The following ARHGAP28 variants were observed in gnomAD, a reference collection of about 807,000 sequenced individuals.
ARHGAP28 encodes Rho GTPase activating protein 28, also known as rho GTPase-activating protein 28.
In ARHGAP28, 56 loss-of-function variants were observed where a neutral mutation model predicts 90.7. The observed-to-expected ratio is 0.62, with a 90% confidence interval of 0.50 to 0.77. The LOEUF (loss-of-function observed/expected upper bound fraction) is 0.77, where lower values mean the gene tolerates loss of function less well. ARHGAP28 is among the 30% of genes least tolerant of loss of function. ARHGAP28 has a pLI of 0.00. For synonymous variants in ARHGAP28, 308 were observed against 323.3 expected, an observed-to-expected ratio of 0.95 and a Z score of 0.51; for missense variants, 869 against 900.9, an observed-to-expected ratio of 0.96 and a Z score of 0.45.
intron 5 of ARHGAP28, among the ~76,000 whole-genome samples, chr18:6,866,858 A>C (rs548307234): frequency 1.3e-5 from 2 of 152,366 alleles, no homozygotes; most frequent in East Asian, 1.9e-4. Context: ...TAAATAAAAA[A>C]GTCTTATCAA....
At chr18:6,768,290 C>A (rs2056215634) in intron 1 of ARHGAP28, among the ~76,000 whole-genome samples, 1 of 151,888 alleles carries the variant, frequency 6.6e-6, no homozygotes, top group African/African-American at 2.4e-5. Flanking sequence ...TGTTTTTGAG[C>A]CTCATTTTCT....
chr18:6,811,419 G>C (rs1004824320), intron 1 of ARHGAP28, among the ~76,000 whole-genome samples: 1 of 152,108 alleles, frequency 6.6e-6, no homozygotes, highest in South Asian at 2.1e-4. Flanking sequence ...TACCAAAGTG[G>C]GAAATAGACC....
intron 1 of ARHGAP28, among the ~76,000 whole-genome samples, chr18:6,749,452 A>C (rs1048291008): frequency 1.3e-5 from 2 of 152,158 alleles, no homozygotes; most frequent in Non-Finnish European, 2.9e-5. Context: ...TTTGAGCCCC[A>C]AGGACCCATA....
intron 3 of ARHGAP28, among the ~76,000 whole-genome samples, chr18:6,841,180 C>CTCCTCT (rs1491103592): frequency 1.8e-5 from 1 of 57,064 alleles, no homozygotes; most frequent in Non-Finnish European, 3.2e-5. Context: ...CTCTCTCTCT[C>CTCCTCT]CTCTCTCTCT....
intron 1 of ARHGAP28, among the ~76,000 whole-genome samples, chr18:6,794,034 A>G (rs1297197477): frequency 1.3e-5 from 2 of 152,218 alleles, no homozygotes; most frequent in Admixed American, 1.3e-4. Context: ...TTTCCAGTTA[A>G]AAATAAACAA....
chr18:6,819,719 CAGAGAG>C (rs1310225955), intron 1 of ARHGAP28, among the ~76,000 whole-genome samples: 1 of 152,192 alleles, frequency 6.6e-6, no homozygotes, highest in Admixed American at 6.5e-5. Context: ...GGCTGTAAAG[CAGAGAG>C]AGATCTCTGT....
At chr18:6,756,508 A>T (rs1011845719) in intron 1 of ARHGAP28, among the ~76,000 whole-genome samples, 15 of 152,214 alleles carry the variant, frequency 9.9e-5, no homozygotes, top group African/African-American at 3.6e-4. Context: ...GATCATGATG[A>T]TTTAATCAAA....
At chr18:6,840,491 G>A (rs929397873) in intron 3 of ARHGAP28, among the ~76,000 whole-genome samples, 26 of 152,272 alleles carry the variant, frequency 1.7e-4, no homozygotes, top group Admixed American at 1.2e-3. Context: ...TTTAGACCAC[G>A]AAGGGAAAGA....
intron 1 of ARHGAP28, among the ~76,000 whole-genome samples, chr18:6,819,903 CTCTCACTCTA>C (rs2056615550): frequency 6.6e-6 from 1 of 152,172 alleles, no homozygotes; most frequent in Admixed American, 6.5e-5. Flanking sequence ...CATGCTCTGC[CTCTCACTCTA>C]TCTACCAAAT....
At chr18:6,880,509 C>A (rs540022197) in intron 10 of ARHGAP28, among the ~76,000 whole-genome samples, 2 of 152,190 alleles carry the variant, frequency 1.3e-5, no homozygotes, top group African/African-American at 4.8e-5. Flanking sequence ...TTGCCATTCC[C>A]GTGCTTAGAG....
chr18:6,904,879 T>C (rs1363092497), intron 16 of ARHGAP28, among the ~76,000 whole-genome samples: 4 of 152,108 alleles, frequency 2.6e-5, no homozygotes, highest in Non-Finnish European at 4.4e-5. Flanking sequence ...CAAAATGAAA[T>C]TGACTAGCTG....
intron 17 of ARHGAP28, among the ~76,000 whole-genome samples, chr18:6,909,716 C>T (rs746735786): frequency 6.6e-6 from 1 of 152,132 alleles, no homozygotes; most frequent in Non-Finnish European, 1.5e-5. Context: ...CCTATTTTAA[C>T]TCTCCTCCCA....
intron 3 of ARHGAP28, among the ~76,000 whole-genome samples, chr18:6,841,585 T>C (rs746514007): frequency 5.3e-5 from 8 of 152,024 alleles, no homozygotes; most frequent in Non-Finnish European, 1.2e-4. Context: ...ATGCTGGTTC[T>C]TCTCTTAATT....
intron 1 of ARHGAP28, among the ~76,000 whole-genome samples, chr18:6,796,682 T>C (rs964338177): frequency 6.6e-6 from 1 of 152,158 alleles, no homozygotes; most frequent in East Asian, 1.9e-4. Context: ...TATTACAACA[T>C]CCTATGGGTC....
intron 1 of ARHGAP28, among the ~76,000 whole-genome samples, chr18:6,742,745 A>G (rs991354741): frequency 2.0e-5 from 3 of 152,100 alleles, no homozygotes; most frequent in African/African-American, 7.2e-5. Context: ...ATCTGGCAGG[A>G]GACAGTAAAG....
Position 6,731,071 on chromosome 18 carries a change from GTTTC to G in ARHGAP28, c.122+1133_122+1136del, listed in dbSNP as rs1403229767. Among the ~76,000 whole-genome samples the G allele has an allele frequency of 2.0e-5, 3 of 152,202 alleles. No individual in the cohort carries two copies. In the East Asian group the frequency reaches 5.8e-4, roughly 29 times the overall value. ...GGGCTTGGCTAACAAAGAAAATGTT[GTTTC>G]TTTCAAAAACAGCAGGTTGAGTGAA... On this transcript the variant is annotated intron_variant, in intron 1 of 17. Transcript: ENST00000383472.
rs1439638372 is a variant in ARHGAP28 at position 6,915,366 on chromosome 18, C to CT, written c.*3214dup. On this transcript the variant is annotated 3_prime_UTR_variant, in exon 18 of 18. Coordinates refer to ENST00000383472, the MANE Select transcript of ARHGAP28 (RefSeq NM_001366230.1). Reference sequence around the variant, plus strand: ...CTGTTCTTCATAAATGTTTATGTGCCTTAAAAGACTTTATGTTAAAGGATT... The same window carrying CT: ...CTGTTCTTCATAAATGTTTATGTGCCTTTAAAAGACTTTATGTTAAAGGATT... The CT allele has an allele frequency of 2.3e-4, 35 of 152,122 alleles. No individual in the cohort carries two copies. The highest frequency in any genetic ancestry group is 2.2e-3 in the Admixed American group (34 of 15,264). The allele number at this position is 152,122 out of a possible 1,614,324, so 9.4% of individuals were successfully genotyped here. A position where few individuals can be genotyped will look rare whatever the true frequency, so the allele number is the denominator to read the frequency against.
At chr18:6,853,275 G>A (rs2056924478) in intron 4 of ARHGAP28, among the ~76,000 whole-genome samples, 1 of 152,148 alleles carries the variant, frequency 6.6e-6, no homozygotes, top group African/African-American at 2.4e-5. Context: ...CGATGGAAGA[G>A]GGGGTTGGAC....
chr18:6,801,888 G>T (rs982466444), intron 1 of ARHGAP28, among the ~76,000 whole-genome samples: 5 of 151,914 alleles, frequency 3.3e-5, no homozygotes, highest in Non-Finnish European at 7.4e-5. Flanking sequence ...CTGTAAATTT[G>T]TACCCATTAA....
Sources: allele counts gnomAD v4.1 joint callset (sites outside exome capture counted in the v4.1 genomes callset), GRCh38; gene constraint gnomAD v4.1.1; transcripts MANE v1.5; gene names NCBI Gene and HGNC (gene_info 2026-07-23, HGNC 2026-07-21).